Variants in SEC61G observed in about 807,000 individuals in gnomAD.
The protein encoded by SEC61G is protein transport protein Sec61 subunit gamma.
In SEC61G, 4 loss-of-function variants were observed where a neutral mutation model predicts 7.5. The observed-to-expected ratio is 0.54, with a 90% CI of 0.26 to 1.22. The LOEUF (loss-of-function observed/expected upper bound fraction) is 1.22, where lower values mean the gene tolerates loss of function less well. SEC61G is among the 50% of genes most tolerant of loss of function. The pLI, the probability that SEC61G is intolerant of heterozygous loss-of-function variation, is 0.12. For missense variants in SEC61G, 53 were observed against 84.6 expected, an observed-to-expected ratio of 0.63 and a Z score of 1.46; for synonymous variants, 24 against 24.4, an observed-to-expected ratio of 0.98 and a Z score of 0.05.
intron 3 of SEC61G, among the ~76,000 whole-genome samples, chr7:54,753,544 A>T (rs1444775418): frequency 6.6e-6 from 1 of 152,230 alleles, no homozygotes; most frequent in Non-Finnish European, 1.5e-5. Flanking sequence ...AAATGATTTA[A>T]ACAATGATTA....
intron 3 of SEC61G, among the ~76,000 whole-genome samples, chr7:54,752,766 AC>A (rs1791439546): frequency 6.6e-6 from 1 of 152,218 alleles, no homozygotes; most frequent in South Asian, 2.1e-4. Context: ...GATAAAGTTG[AC>A]ACACCAGTAG....
intron 2 of SEC61G, 131 bp downstream of exon 2, chr7:54,757,364 G>A: frequency 1.5e-6 from 1 of 671,114 alleles, no homozygotes; most frequent in Non-Finnish European, 2.5e-6. Context: ...ACGTTAAAAA[G>A]CTGTCGCGCA....
chr7:54,759,047 C>A (rs1248297654), intron 1 of SEC61G, 111 bp downstream of exon 1: 4 of 400,172 alleles, frequency 1.0e-5, no homozygotes, highest in Non-Finnish European at 2.0e-5. Flanking sequence ...CCGCCCGCCC[C>A]GCGACGGCCG....
At chr7:54,752,817 T>TACTC (rs1260718498) in intron 3 of SEC61G, among the ~76,000 whole-genome samples, 1 of 152,210 alleles carries the variant, frequency 6.6e-6, no homozygotes, top group Non-Finnish European at 1.5e-5. Context: ...GAGCACAAGG[T>TACTC]ACTCAAGCAC....
At chr7:54,758,543 A>G (rs771532153) in intron 1 of SEC61G, among the ~76,000 whole-genome samples, 2 of 152,210 alleles carry the variant, frequency 1.3e-5, no homozygotes, top group Non-Finnish European at 2.9e-5. Context: ...GGGCAAAAAC[A>G]CAGTAATGTC....
At chr7:54,755,021 G>C (rs1213245443) in intron 3 of SEC61G, 1 of 152,134 alleles carries the variant, frequency 6.6e-6, no homozygotes, top group Non-Finnish European at 1.5e-5. Flanking sequence ...CTCATACTAA[G>C]TCCTTACCCT....
chr7:54,755,732 G>T, intron 3 of SEC61G, 47 bp downstream of exon 3: 3 of 1,079,766 alleles, frequency 2.8e-6, no homozygotes, highest in Non-Finnish European at 4.1e-6. Flanking sequence ...ATCTCAAATG[G>T]TTTTGAGTTT....
intron 3 of SEC61G, chr7:54,754,853 T>G (rs1791476907): frequency 6.6e-6 from 1 of 152,148 alleles, no homozygotes; most frequent in African/African-American, 2.4e-5. Context: ...AACCTGAAGT[T>G]GTTCACTTAA....
At chr7:54,758,261 T>C (rs1392410617) in intron 1 of SEC61G, among the ~76,000 whole-genome samples, 2 of 152,240 alleles carry the variant, frequency 1.3e-5, no homozygotes, top group African/African-American at 4.8e-5. Flanking sequence ...CTATATATTT[T>C]ACCATACAGG....
chr7:54,757,500 C>T lies in SEC61G; in HGVS notation c.89G>A (p.Arg30Lys). 1 of 1,613,188 alleles carries T rather than the reference C, an allele frequency of 6.2e-7. No homozygotes were observed. The highest frequency in any genetic ancestry group is 1.3e-5 in the African/African-American group (1 of 75,032). Residue 30 changes from arginine to lysine, a missense_variant, in exon 2 of 4, where the codon AGA becomes AAA. Arg to Lys is a conservative substitution (Grantham distance 26). Transcript: ENST00000352861. ...TCTCATAGTCAAGCAATTACCTTTT[C>T]TATCAGGTTTAGTGCATCTTTTAAC... ...RLVKRCTKPDRKEFQKIAMAT... is the reference protein window; with the variant it reads ...RLVKRCTKPDKKEFQKIAMAT...
At position 54,759,146 on chromosome 7, in the gene SEC61G, G is replaced by A. The variant is rs1385982621; in HGVS notation, c.-7+12C>T. 1 of 518,706 alleles carries A rather than the reference G, an allele frequency of 1.9e-6. No homozygotes were observed. The highest frequency in any genetic ancestry group is 1.9e-5 in the Admixed American group (1 of 51,592). The allele number at this position is 518,706 out of a possible 1,614,324, so 32.1% of individuals were successfully genotyped here. The stretch of plus-strand genomic sequence containing the variant: ...CCCGTTCGCCCGTACCGACCGGTGG[G>A]AAGAAACTCACCTACCCAACCGACA... On this transcript the variant is annotated intron_variant, in intron 1 of 3. Transcript: ENST00000352861.
Position 54,755,866 on chromosome 7 carries a change from G to T in SEC61G, c.110C>A (p.Ala37Asp), listed in dbSNP as rs1360222655. 2 of 1,576,262 alleles carry T rather than the reference G, an allele frequency of 1.3e-6. No individual in the cohort carries two copies. The highest frequency in any genetic ancestry group is 1.7e-6 in the Non-Finnish European group (2 of 1,159,078). Residue 37 changes from alanine (A) to aspartate (D), a missense_variant, in exon 3 of 4, where the codon GCC becomes GAC. Ala to Asp is a moderately radical substitution (Grantham distance 126). Transcript: ENST00000352861. Reference protein sequence around the residue: ...KPDRKEFQKIAMATAIGFAIM... With the variant: ...KPDRKEFQKIDMATAIGFAIM... ...AGCAAATCCTATTGCTGTTGCCATGGCAATCTTCTGGAATTCTGCATTTAA... is the reference window on the plus strand; with the variant it reads ...AGCAAATCCTATTGCTGTTGCCATGTCAATCTTCTGGAATTCTGCATTTAA...
At chr7:54,756,175 A>C (rs1583715383) in intron 2 of SEC61G, among the ~76,000 whole-genome samples, 1 of 152,220 alleles carries the variant, frequency 6.6e-6, no homozygotes, top group East Asian at 1.9e-4. Context: ...ACCAGAAAAT[A>C]CCAAAAACAA....
At chr7:54,758,339 G>A (rs1161051461) in intron 1 of SEC61G, among the ~76,000 whole-genome samples, 1 of 152,196 alleles carries the variant, frequency 6.6e-6, no homozygotes, top group Non-Finnish European at 1.5e-5. Context: ...CACTGCTATA[G>A]TAAGTAAAGC....
chr7:54,758,285 T>C (rs1791561038), intron 1 of SEC61G, among the ~76,000 whole-genome samples: 1 of 152,238 alleles, frequency 6.6e-6, no homozygotes, highest in Non-Finnish European at 1.5e-5. Flanking sequence ...TTTTGAGGAA[T>C]CTATTACCCA....
chr7:54,758,908 G>C (rs998302069), intron 1 of SEC61G: 8 of 288,328 alleles, frequency 2.8e-5, no homozygotes, highest in Admixed American at 5.2e-5. Flanking sequence ...AGGACGCTAA[G>C]CCCTGGAGCC....
At chr7:54,756,512 C>T (rs1180459444) in intron 2 of SEC61G, among the ~76,000 whole-genome samples, 4 of 152,062 alleles carry the variant, frequency 2.6e-5, no homozygotes, top group Non-Finnish European at 5.9e-5. Flanking sequence ...AAAAATTAGC[C>T]GGGCGTGGTG....
At chr7:54,754,217 C>T (rs911232621) in intron 3 of SEC61G, among the ~76,000 whole-genome samples, 5 of 152,108 alleles carry the variant, frequency 3.3e-5, no homozygotes, top group Non-Finnish European at 5.9e-5. Flanking sequence ...GGTGGGCTTA[C>T]GTGTTCTTCT....
chr7:54,754,725 C>T (rs1222693880), intron 3 of SEC61G: 2 of 151,904 alleles, frequency 1.3e-5, no homozygotes, highest in Admixed American at 6.5e-5. Flanking sequence ...TAAATCATTG[C>T]TTCAAACTTC....
Sources: gnomAD v4.1 joint callset for allele counts (sites outside exome capture counted in the v4.1 genomes callset) on GRCh38, gnomAD v4.1.1 for gene constraint, MANE v1.5 for transcripts, NCBI Gene and HGNC (gene_info 2026-07-23, HGNC 2026-07-21) for gene names.